TADA3: variants seen among roughly 807,000 people sequenced by gnomAD.
TADA3 encodes the protein transcriptional adaptor 3, also known as transcriptional adapter 3.
TADA3 carries 25 observed loss-of-function variants against 43.2 expected under a neutral mutation model. That is an observed-to-expected ratio of 0.58 (90% CI 0.42 to 0.81). The LOEUF (loss-of-function observed/expected upper bound fraction) is 0.81. TADA3 is among the 30% of genes least tolerant of loss of function. The pLI is 0.00. For missense variants in TADA3, 441 were observed against 567.8 expected, an observed-to-expected ratio of 0.78 and a Z score of 2.27; for synonymous variants, 235 against 225.5, an observed-to-expected ratio of 1.04 and a Z score of -0.38.
At chr3:9,792,512 G>C, upstream of TADA3, 1 of 1,220,882 alleles carries the variant, frequency 8.2e-7, no homozygotes, top group Non-Finnish European at 1.0e-6. Context: ...GCGGGGGCGG[G>C]GAGTCAGCGA....
Position 9,789,824 on chromosome 3 carries a change from G to A in TADA3, c.347C>T (p.Pro116Leu), listed in dbSNP as rs748418072. ...TTTGGATTTGGGCCGTCCTGGGCCA[G>A]GGCCCGGCCCATGTCCTGCCTTCCC... ...LEGKAGHGPG[P>L]GPGRPKSKNL... The change falls in exon 3 of 9, where the codon CCT becomes CTT. Residue 116 changes from proline to leucine, a missense_variant. By Grantham distance (98) the Pro-to-Leu change is moderately conservative. Transcript: ENST00000301964. The A allele has an allele frequency of 6.2e-7, 1 of 1,614,236 alleles. No homozygotes were observed. The highest frequency in any genetic ancestry group is 2.2e-5 in the East Asian group (1 of 44,880).
intron 2 of TADA3, among the ~76,000 whole-genome samples, chr3:9,790,693 C>G (rs189763079): frequency 1.3e-5 from 2 of 152,192 alleles, no homozygotes; most frequent in South Asian, 4.1e-4. Flanking sequence ...TGGCATTGGG[C>G]TGAGTTTTTG....
At chr3:9,782,183 T>C (rs1437399706) in intron 8 of TADA3, among the ~76,000 whole-genome samples, 2 of 152,168 alleles carry the variant, frequency 1.3e-5, no homozygotes, top group African/African-American at 4.8e-5. Flanking sequence ...TTTCTCTCTC[T>C]TCCTCTCTCT....
intron 8 of TADA3, among the ~76,000 whole-genome samples, chr3:9,781,857 T>TAG (rs2078476760): frequency 8.5e-6 from 1 of 117,404 alleles, no homozygotes; most frequent in African/African-American, 3.1e-5. Context: ...TTTTTTTTTT[T>TAG]TGAGACAGGT....
chr3:9,783,998 C>A (rs1453697128), intron 8 of TADA3, 30 bp downstream of exon 8: 2 of 1,601,296 alleles, frequency 1.2e-6, no homozygotes, highest in East Asian at 2.2e-5. Context: ...CAAGGCCACC[C>A]CCGGGACTGT....
At chr3:9,787,504 TTCACAC>T (rs1443492267) in intron 4 of TADA3, 164 bp from the exon 5 acceptor site, 1 of 1,087,128 alleles carries the variant, frequency 9.2e-7, no homozygotes, top group African/African-American at 1.6e-5. Context: ...AAACCTGTAC[TTCACAC>T]TCTAGTAAGG....
chr3:9,787,190 G>A lies in TADA3; in HGVS notation c.706+9C>T. On this transcript the variant is annotated intron_variant, in intron 5 of 8. Coordinates refer to ENST00000301964, the MANE Select transcript of TADA3 (RefSeq NM_006354.5). ...TGACCTGGGGTTGGCAGGGAGGTGA[G>A]AGGCCTACCTTTAGTGTCCAGTTCG... The A allele has an allele frequency of 6.2e-7, 1 of 1,614,158 alleles. No individual in the cohort carries two copies. Among genetic ancestry groups the A allele is most frequent in the Non-Finnish European group, 8.5e-7 (1 of 1,180,026 alleles).
intron 4 of TADA3, chr3:9,787,717 C>T (rs1559719586): frequency 1.5e-6 from 2 of 1,306,900 alleles, no homozygotes; most frequent in Non-Finnish European, 1.0e-6. Context: ...TCTGTATGAA[C>T]TCTTTTTCAG....
chr3:9,784,761 G>A (rs987929207), intron 7 of TADA3, among the ~76,000 whole-genome samples: 5 of 152,068 alleles, frequency 3.3e-5, no homozygotes, highest in Admixed American at 1.3e-4. Context: ...GCTACTTGGT[G>A]GCTGAGGCAG....
chr3:9,791,288 C>T lies in TADA3; in HGVS notation c.179G>A (p.Arg60His), dbSNP rs780752163. The T allele has an allele frequency of 2.5e-6, 4 of 1,613,174 alleles. No individual in the cohort carries two copies. The highest frequency in any genetic ancestry group is 1.7e-5 in the Admixed American group (1 of 60,000). The change falls in exon 2 of 9, where the codon CGC (arginine) becomes CAC (histidine). Residue 60 changes from arginine (R) to histidine (H), a missense_variant. Physicochemically the swap from Arg to His is conservative, Grantham distance 29. Transcript: ENST00000301964. ...LETLLSSASR[R>H]LRVLEAETQI... Reference sequence around the variant, plus strand: ...GGTTTCGGCCTCAAGCACACGCAGGCGCCGGCTGGCAGAAGACAGCAGGGT... The same window carrying T: ...GGTTTCGGCCTCAAGCACACGCAGGTGCCGGCTGGCAGAAGACAGCAGGGT...
chr3:9,782,190 C>G (rs2078492434), intron 8 of TADA3, among the ~76,000 whole-genome samples: 1 of 152,172 alleles, frequency 6.6e-6, no homozygotes, highest in African/African-American at 2.4e-5. Flanking sequence ...CTCTTCCTCT[C>G]TCTCCCTCTG....
At chr3:9,786,277 G>A (rs1387298751) in intron 6 of TADA3, among the ~76,000 whole-genome samples, 4 of 152,086 alleles carry the variant, frequency 2.6e-5, no homozygotes, top group African/African-American at 9.7e-5. Context: ...TGACAATTAC[G>A]CCCAGAGTGA....
intron 2 of TADA3, among the ~76,000 whole-genome samples, chr3:9,790,522 C>T (rs994979208): frequency 6.6e-6 from 1 of 152,246 alleles, no homozygotes; most frequent in Non-Finnish European, 1.5e-5. Flanking sequence ...GTCTCTTCAA[C>T]TAGACCATAA....
intron 5 of TADA3, 31 bp downstream of exon 5, chr3:9,787,168 C>G: frequency 6.2e-7 from 1 of 1,614,168 alleles, no homozygotes. Context: ...CAAGTCCTGA[C>G]CTGGGGTTGG....
intron 8 of TADA3, chr3:9,783,767 GA>G: frequency 2.1e-6 from 1 of 479,362 alleles, no homozygotes; most frequent in African/African-American, 2.0e-5. Context: ...GACAGTGCGA[GA>G]CTCCCTCTCA....
chr3:9,789,701 C>CTA lies in TADA3; in HGVS notation c.458+10_458+11dup. 3 of 1,611,082 alleles carry CTA rather than the reference C, an allele frequency of 1.9e-6. No homozygotes were observed. Among genetic ancestry groups the CTA allele is most frequent in the Non-Finnish European group, 2.5e-6 (3 of 1,177,828 alleles). ...ACCTTGAGGCCCCCTTCTATGTTCTCTAGCCCAGAACCTGTTGGGGGCATC... is the reference window on the plus strand; with the variant it reads ...ACCTTGAGGCCCCCTTCTATGTTCTCTATAGCCCAGAACCTGTTGGGGGCATC... On this transcript the variant is annotated intron_variant, in intron 3 of 8. Coordinates refer to ENST00000301964, the MANE Select transcript of TADA3 (RefSeq NM_006354.5).
At chr3:9,784,965 C>G (rs777233591) in intron 7 of TADA3, among the ~76,000 whole-genome samples, 7 of 152,124 alleles carry the variant, frequency 4.6e-5, no homozygotes, top group Non-Finnish European at 1.0e-4. Flanking sequence ...CCACTTGTCA[C>G]TCTATAATTT....
intron 4 of TADA3, among the ~76,000 whole-genome samples, chr3:9,788,960 C>T (rs1358796868): frequency 2.6e-5 from 4 of 151,968 alleles, no homozygotes; most frequent in East Asian, 1.9e-4. Flanking sequence ...CTCAGCCTCC[C>T]GAGTAGCTGG....
chr3:9,780,995 G>A (rs2078446780), intron 8 of TADA3, among the ~76,000 whole-genome samples: 1 of 152,040 alleles, frequency 6.6e-6, no homozygotes, highest in Non-Finnish European at 1.5e-5. Context: ...AAAATTAGCT[G>A]GGTGTGGTAG....
Sources: gnomAD v4.1 joint callset for allele counts (sites outside exome capture counted in the v4.1 genomes callset) on GRCh38, gnomAD v4.1.1 for gene constraint, MANE v1.5 for transcripts, NCBI Gene and HGNC (gene_info 2026-07-23, HGNC 2026-07-21) for gene names.